NOL4: variants seen among roughly 807,000 people sequenced by gnomAD.
NOL4 encodes cancer/testis antigen 125.
A neutral mutation model predicts 75.9 loss-of-function variants in NOL4; 17 were observed. The observed-to-expected ratio is 0.22, with a 90% confidence interval of 0.15 to 0.34. The LOEUF (loss-of-function observed/expected upper bound fraction) is 0.34, where lower values mean the gene tolerates loss of function less well. Ranked by LOEUF, NOL4 falls within the 10% of genes least tolerant of loss-of-function variation. NOL4 has a pLI of 1.00. For missense variants in NOL4, 614 were observed against 793.5 expected (o/e 0.77, Z 2.72); for synonymous variants, 292 against 289.9 (o/e 1.01, Z -0.07).
At chr18:34,068,384 TA>T (rs563629406) in intron 5 of NOL4, among the ~76,000 whole-genome samples, 2 of 152,186 alleles carry the variant, frequency 1.3e-5, no homozygotes, top group South Asian at 4.1e-4. Context: ...TTTCTTTTTT[TA>T]AAATTTTTTA....
At chr18:34,134,488 A>T (rs1358211699) in intron 1 of NOL4, among the ~76,000 whole-genome samples, 7 of 150,138 alleles carry the variant, frequency 4.7e-5, no homozygotes, top group Non-Finnish European at 1.0e-4. Flanking sequence ...ACACACACAC[A>T]CACACACATT....
chr18:34,023,354 T>C (rs1448815780), intron 5 of NOL4: 1 of 450,516 alleles, frequency 2.2e-6, no homozygotes, highest in Non-Finnish European at 4.5e-6. Context: ...AAAGATACTT[T>C]TTAAGAATTT....
At chr18:34,106,550 A>T (rs1799971424) in intron 2 of NOL4, among the ~76,000 whole-genome samples, 3 of 152,012 alleles carry the variant, frequency 2.0e-5, no homozygotes, top group Non-Finnish European at 4.4e-5. Flanking sequence ...ACAGAGTAAG[A>T]TATCCAGATT....
intron 1 of NOL4, among the ~76,000 whole-genome samples, chr18:34,167,366 T>TA (rs1382500768): frequency 1.3e-5 from 2 of 152,072 alleles, no homozygotes; most frequent in East Asian, 3.9e-4. Context: ...TGTTAATTGT[T>TA]AAACACTTCT....
chr18:34,213,222 C>G (rs956828205), intron 1 of NOL4, among the ~76,000 whole-genome samples: 3 of 152,186 alleles, frequency 2.0e-5, no homozygotes, highest in Admixed American at 6.5e-5. Context: ...TCCAATGCAA[C>G]AGTGTTGAGA....
At chr18:34,037,892 T>C (rs2075978969) in intron 5 of NOL4, among the ~76,000 whole-genome samples, 1 of 151,720 alleles carries the variant, frequency 6.6e-6, no homozygotes. Context: ...AAAAGACAAA[T>C]AAGATTATAC....
At chr18:33,897,291 T>C (rs1427530308) in intron 9 of NOL4, among the ~76,000 whole-genome samples, 2 of 152,124 alleles carry the variant, frequency 1.3e-5, no homozygotes, top group Non-Finnish European at 2.9e-5. Context: ...ATAGCAATCA[T>C]CTACCATAAA....
chr18:34,162,335 C>T (rs571812882), intron 1 of NOL4, among the ~76,000 whole-genome samples: 48 of 152,008 alleles, frequency 3.2e-4, no homozygotes, highest in Non-Finnish European at 1.9e-4. Flanking sequence ...ATTGATAGAC[C>T]GCTAGCAAGA....
chr18:33,858,983 T>C (rs540919436), intron 10 of NOL4, among the ~76,000 whole-genome samples: 1 of 152,192 alleles, frequency 6.6e-6, no homozygotes, highest in Non-Finnish European at 1.5e-5. Flanking sequence ...TGTTTAAACT[T>C]TTATTTTTTA....
intron 1 of NOL4, among the ~76,000 whole-genome samples, chr18:34,160,919 C>A (rs1185035791): frequency 6.6e-6 from 1 of 152,104 alleles, no homozygotes. Flanking sequence ...AGAAGTTATT[C>A]CTCTTATATA....
intron 5 of NOL4, among the ~76,000 whole-genome samples, chr18:34,053,250 G>A (rs75419777): frequency 0.036 from 5,435 of 151,976 alleles, 164 homozygotes; most frequent in South Asian, 0.095. Context: ...TGCCTTTAAG[G>A]CTTTGCATAC....
rs80259700 is a variant in NOL4 at position 34,106,160 on chromosome 18, A to G, written c.415-1000T>C. Among the ~76,000 whole-genome samples, 814 of 152,160 alleles carry G rather than the reference A, an allele frequency of 5.3e-3. 8 individuals carry two copies. Among genetic ancestry groups the G allele is most frequent in the African/African-American group, 0.018 (754 of 41,540 alleles). On this transcript the variant is annotated intron_variant, in intron 2 of 10. Transcript: ENST00000261592. ...CTTAGGTGCATCTATAGCCCTTACA[A>G]ACACTGATGTATTTTAAATTAGTAA...
chr18:33,894,072 G>A (rs532650051), intron 9 of NOL4, among the ~76,000 whole-genome samples: 1 of 152,194 alleles, frequency 6.6e-6, no homozygotes, highest in Admixed American at 6.6e-5. Flanking sequence ...GATGGGGCAA[G>A]GGAGTGCAAT....
chr18:33,916,841 C>T (rs1239819154), intron 9 of NOL4, among the ~76,000 whole-genome samples: 1 of 151,994 alleles, frequency 6.6e-6, no homozygotes, highest in Non-Finnish European at 1.5e-5. Flanking sequence ...AGCTATTTGT[C>T]CTAAAGTATA....
intron 1 of NOL4, among the ~76,000 whole-genome samples, chr18:34,222,719 C>T (rs1309219751): frequency 6.6e-6 from 1 of 151,518 alleles, no homozygotes; most frequent in African/African-American, 2.4e-5. Context: ...GAAGGAAGCT[C>T]CTGCAGCCGG....
chr18:34,080,060 T>A (rs945241914), intron 5 of NOL4, among the ~76,000 whole-genome samples: 2 of 152,196 alleles, frequency 1.3e-5, no homozygotes, highest in Non-Finnish European at 2.9e-5. Flanking sequence ...TATTGCCCCA[T>A]TTGTACCACA....
intron 5 of NOL4, among the ~76,000 whole-genome samples, chr18:34,087,817 G>A (rs1293544591): frequency 6.6e-6 from 1 of 151,708 alleles, no homozygotes; most frequent in Non-Finnish European, 1.5e-5. Flanking sequence ...TATATCATAT[G>A]TGTCTTAGTG....
At chr18:34,099,868 A>G (rs2145622841) in intron 4 of NOL4, among the ~76,000 whole-genome samples, 1 of 152,234 alleles carries the variant, frequency 6.6e-6, no homozygotes, top group Middle Eastern at 3.4e-3. Flanking sequence ...TCTTCTACCC[A>G]TGCCCCTATA....
intron 5 of NOL4, among the ~76,000 whole-genome samples, chr18:34,032,017 G>T (rs1265127806): frequency 6.6e-6 from 1 of 152,200 alleles, no homozygotes; most frequent in Non-Finnish European, 1.5e-5. Context: ...ACTCTTCCGG[G>T]GACTAGTGGT....
Sources: gnomAD v4.1 joint callset for allele counts (sites outside exome capture counted in the v4.1 genomes callset) on GRCh38, gnomAD v4.1.1 for gene constraint, MANE v1.5 for transcripts, NCBI Gene and HGNC (gene_info 2026-07-23, HGNC 2026-07-21) for gene names.